Variants in DGAT2 observed in about 807,000 individuals in gnomAD.
DGAT2 encodes the protein acyl-CoA retinol O-fatty-acyltransferase.
In DGAT2, 33 loss-of-function variants were observed where a neutral mutation model predicts 48.4. The observed-to-expected ratio is 0.68, with a 90% CI of 0.52 to 0.91. The LOEUF (loss-of-function observed/expected upper bound fraction) is 0.91, where lower values mean the gene tolerates loss of function less well. DGAT2 is among the 40% of genes least tolerant of loss of function. The probability of loss-of-function intolerance (pLI) is 0.00; values close to 1 mark genes in which losing one functional copy is unlikely to be tolerated. For synonymous variants in DGAT2, 191 were observed against 194.1 expected (o/e 0.98, Z 0.13); for missense variants, 446 against 493.7 (o/e 0.90, Z 0.92).
At chr11:75,776,439 G>A (rs1944803820) in intron 1 of DGAT2, 1 of 152,322 alleles carries the variant, frequency 6.6e-6, no homozygotes, top group Non-Finnish European at 1.5e-5. Flanking sequence ...ATCCAACCCA[G>A]GTGGAGGAGA....
At chr11:75,777,857 C>T (rs1453957232) in intron 1 of DGAT2, among the ~76,000 whole-genome samples, 1 of 152,176 alleles carries the variant, frequency 6.6e-6, no homozygotes, top group African/African-American at 2.4e-5. Context: ...TATCTCATTG[C>T]CCCAAATTAT....
chr11:75,782,481 G>A (rs1180539915), intron 1 of DGAT2, among the ~76,000 whole-genome samples: 2 of 152,168 alleles, frequency 1.3e-5, no homozygotes. Flanking sequence ...ACCAGCCTCC[G>A]GTGGCCATGG....
intron 6 of DGAT2, 79 bp downstream of exon 6, chr11:75,797,411 C>T: frequency 2.2e-6 from 3 of 1,342,504 alleles, no homozygotes; most frequent in Non-Finnish European, 2.9e-6. Context: ...CCCCTGAAGA[C>T]AGGACCCAGA....
intron 1 of DGAT2, among the ~76,000 whole-genome samples, chr11:75,778,310 A>G (rs147148452): frequency 2.6e-5 from 4 of 151,886 alleles, no homozygotes; most frequent in South Asian, 4.2e-4. Flanking sequence ...TGACCCCTAG[A>G]TCTTGTCTTC....
intron 3 of DGAT2, 31 bp downstream of exon 3, chr11:75,790,326 T>C (rs1377770978): frequency 6.5e-7 from 1 of 1,545,106 alleles, no homozygotes; most frequent in South Asian, 1.1e-5. Flanking sequence ...GCCCCACCTC[T>C]CATTCTAGGG....
At chr11:75,781,860 C>T (rs954549483) in intron 1 of DGAT2, among the ~76,000 whole-genome samples, 5 of 152,154 alleles carry the variant, frequency 3.3e-5, no homozygotes, top group African/African-American at 4.8e-5. Flanking sequence ...GCGTTTCCTG[C>T]GCTATGACTT....
chr11:75,799,290 G>T (rs1945087608), intron 7 of DGAT2, among the ~76,000 whole-genome samples: 1 of 152,142 alleles, frequency 6.6e-6, no homozygotes, highest in African/African-American at 2.4e-5. Flanking sequence ...AGAATGGAGA[G>T]CCACCAGAGA....
chr11:75,790,240 C>T lies in DGAT2; in HGVS notation c.303C>T (p.Leu101=), dbSNP rs772418933. 2.0e-5 allele frequency: 32 copies of T among 1,614,094 alleles called. No homozygotes were observed. In the East Asian group the frequency reaches 2.2e-4, roughly 11 times the overall value. The change falls in exon 3 of 8, where the codon CTC becomes CTT. Residue 101 remains leucine, a synonymous_variant. Coordinates refer to ENST00000228027, the MANE Select transcript of DGAT2 (RefSeq NM_032564.5). ...ACATATTCTGCACTGATTGCTGGCT[C>T]ATCGCTGTGCTCTACTTCACTTGGC... is the stretch of plus-strand genomic sequence containing the variant. ...LMYIFCTDCW[L]IAVLYFTWLV...
Position 75,800,418 on chromosome 11 carries a change from C to T in DGAT2, c.1077C>T (p.His359=), listed in dbSNP as rs374192362. ...HPTQQDIDLY[H]TMYMEALVKL... is the part of the protein sequence containing the mutation. ...CCCAGCAAGACATCGACCTGTACCA[C>T]ACCATGTACATGGAGGCCCTGGTGA... Residue 359 remains histidine (H), a synonymous_variant, in exon 8 of 8, where the codon CAC becomes CAT. Coordinates refer to ENST00000228027, the MANE Select transcript of DGAT2 (RefSeq NM_032564.5). 6 of 1,614,072 alleles carry T rather than the reference C, an allele frequency of 3.7e-6. No homozygotes were observed. The African/African-American group carries it at 6.7e-5, about 18-fold the overall frequency.
intron 4 of DGAT2, among the ~76,000 whole-genome samples, chr11:75,791,846 G>A (rs921610972): frequency 1.3e-5 from 2 of 152,230 alleles, no homozygotes; most frequent in Admixed American, 6.5e-5. Flanking sequence ...AGTCAGCCCT[G>A]CCCTTGGGGT....
chr11:75,775,419 G>C (rs765826026), intron 1 of DGAT2, among the ~76,000 whole-genome samples: 52 of 152,346 alleles, frequency 3.4e-4, no homozygotes, highest in Non-Finnish European at 6.3e-4. Context: ...AGATGTCCCA[G>C]TGGGCCCTGC....
intron 1 of DGAT2, among the ~76,000 whole-genome samples, chr11:75,769,843 C>T (rs1944739635): frequency 6.6e-6 from 1 of 152,084 alleles, no homozygotes. Flanking sequence ...CCGGTAGACC[C>T]TGGGAAGTCA....
chr11:75,775,886 C>T (rs1254606620), intron 1 of DGAT2: 1 of 152,276 alleles, frequency 6.6e-6, no homozygotes, highest in Non-Finnish European at 1.5e-5. Context: ...TTGTTCGCAG[C>T]TTTGTCTCCC....
rs142314618 is a variant in DGAT2, at chr11:75,782,338, G to A, written c.122-2280G>A. ...GCCCAAAGTCCTGCATTTCTAACCC[G>A]CTCCCAGGTGATGCTGATGCTGCTG... On this transcript the variant is annotated intron_variant, in intron 1 of 7. Coordinates refer to ENST00000228027, the MANE Select transcript of DGAT2 (RefSeq NM_032564.5). Among the ~76,000 whole-genome samples the A allele has an allele frequency of 6.6e-5, 10 of 152,294 alleles. No homozygotes were observed. The East Asian group carries it at 1.5e-3, about 24-fold the overall frequency.
intron 7 of DGAT2, 150 bp downstream of exon 7, chr11:75,798,579 T>C (rs2135781953): frequency 1.1e-6 from 1 of 889,076 alleles, no homozygotes; most frequent in Admixed American, 2.4e-5. Context: ...GGTGCTGATA[T>C]TGGTCAGGAG....
rs565875220 is a variant in DGAT2 at position 75,797,402 on chromosome 11, C to A, written c.809+70C>A. ...AGCCCAGGGCAGCAGACTCCTTGGCCCCTGAAGACAGGACCCAGACCCCAG... is the reference window on the plus strand; with the variant it reads ...AGCCCAGGGCAGCAGACTCCTTGGCACCTGAAGACAGGACCCAGACCCCAG... On this transcript the variant is annotated intron_variant, in intron 6 of 7. Coordinates refer to ENST00000228027, the MANE Select transcript of DGAT2 (RefSeq NM_032564.5). 7.6e-5 allele frequency: 103 copies of A among 1,352,292 alleles called. No homozygotes were observed. In the African/African-American group the frequency reaches 1.5e-3, roughly 19 times the overall value. 83.8% of individuals were successfully genotyped at this position (1,352,292 alleles called of 1,614,324 possible). A position where few individuals can be genotyped will look rare whatever the true frequency, so the allele number is the denominator to read the frequency against.
At chr11:75,772,601 C>T (rs1944769188) in intron 1 of DGAT2, among the ~76,000 whole-genome samples, 1 of 152,170 alleles carries the variant, frequency 6.6e-6, no homozygotes, top group South Asian at 2.1e-4. Flanking sequence ...CTTCCAATCA[C>T]CACATCTTCT....
Position 75,784,990 on chromosome 11 carries a change from A to C in DGAT2, c.250+244A>C, listed in dbSNP as rs190480902. On this transcript the variant is annotated intron_variant, in intron 2 of 7. Transcript: ENST00000228027. ...TGATAGTTCCCATTTACAGATGGGAAACCTCAAGTCTTAGAGAAGATAGGT... is the reference window on the plus strand; with the variant it reads ...TGATAGTTCCCATTTACAGATGGGACACCTCAAGTCTTAGAGAAGATAGGT... Among the ~76,000 whole-genome samples, 222 of 152,310 alleles carry C rather than the reference A, an allele frequency of 1.5e-3. 1 individual carries two copies. Among genetic ancestry groups the C allele is most frequent in the African/African-American group, 5.1e-3 (210 of 41,570 alleles).
At chr11:75,791,235 G>A (rs1223617534) in intron 4 of DGAT2, among the ~76,000 whole-genome samples, 1 of 152,238 alleles carries the variant, frequency 6.6e-6, no homozygotes, top group Non-Finnish European at 1.5e-5. Context: ...GCAGGGTGGT[G>A]TATATTTGCT....
Sources: gnomAD v4.1 joint callset for allele counts (sites outside exome capture counted in the v4.1 genomes callset) on GRCh38, gnomAD v4.1.1 for gene constraint, MANE v1.5 for transcripts, NCBI Gene and HGNC (gene_info 2026-07-23, HGNC 2026-07-21) for gene names.